Variants in STAT5A observed in about 807,000 individuals in gnomAD.
STAT5A encodes the protein signal transducer and activator of transcription 5A.
Under a neutral mutation model 100.2 loss-of-function variants are expected in STAT5A, and 26 were observed. The ratio of observed to expected loss-of-function variants is 0.26; its 90% confidence interval spans 0.19 to 0.36. STAT5A has a LOEUF of 0.36. STAT5A is among the 10% of genes least tolerant of loss of function. The pLI, the probability that STAT5A is intolerant of heterozygous loss-of-function variation, is 1.00. For missense variants in STAT5A, 634 were observed against 1,027.5 expected (o/e 0.62, Z 5.24); for synonymous variants, 330 against 424.3 (o/e 0.78, Z 2.73).
In STAT5A at chr17:42,306,223, C is replaced by T; in HGVS notation, c.1474-18C>T. ...ACTCCCTCAATCTACCTTTTCCCCT[C>T]TCTTGTCTCCCTCTCAGGGCAGGGT... On this transcript the variant is annotated intron_variant, in intron 12 of 18. Coordinates refer to ENST00000590949, the MANE Select transcript of STAT5A (RefSeq NM_001288718.2). 6.2e-7 allele frequency: 1 copy of T among 1,614,016 alleles called. No individual in the cohort carries two copies. The highest frequency in any genetic ancestry group is 8.5e-7 in the Non-Finnish European group (1 of 1,179,910).
chr17:42,305,570 G>A (rs140861160), intron 11 of STAT5A, 40 bp from the exon 12 acceptor site: 3 of 1,562,084 alleles, frequency 1.9e-6, no homozygotes, highest in Non-Finnish European at 2.6e-6. Context: ...GGCACGTGGT[G>A]GTCACGCCCC....
chr17:42,310,075 A>C (rs2081065815), intron 18 of STAT5A, among the ~76,000 whole-genome samples: 1 of 152,134 alleles, frequency 6.6e-6, no homozygotes, highest in Admixed American at 6.5e-5. Flanking sequence ...GTCAATACCC[A>C]CTCTCCAGTT....
At chr17:42,307,056 T>C (rs2081035979) in intron 13 of STAT5A, among the ~76,000 whole-genome samples, 1 of 152,124 alleles carries the variant, frequency 6.6e-6, no homozygotes, top group African/African-American at 2.4e-5. Context: ...TTGCTAATTT[T>C]TGAAGACCCA....
intron 5 of STAT5A, among the ~76,000 whole-genome samples, chr17:42,296,672 C>T (rs1406588118): frequency 1.3e-5 from 2 of 152,046 alleles, no homozygotes; most frequent in African/African-American, 2.4e-5. Context: ...CAATCTTGCT[C>T]TGTCGCCCAG....
rs2080853139 is a variant in STAT5A at position 42,289,872 on chromosome 17, C to T, written c.135C>T (p.Ala45=). 1 of 1,563,946 alleles carries T rather than the reference C, an allele frequency of 6.4e-7. No homozygotes were observed. Among genetic ancestry groups the T allele is most frequent in the African/African-American group, 1.4e-5 (1 of 73,654 alleles). The change falls in exon 3 of 19, where the codon GCC becomes GCT. Residue 45 remains alanine (A), a synonymous_variant. Coordinates refer to ENST00000590949, the MANE Select transcript of STAT5A (RefSeq NM_001288718.2). ...TCTTCTGCCCTGCCCCAAGGGATGCCATTGACTTGGACAATCCCCAGGACA... is the reference window on the plus strand; with the variant it reads ...TCTTCTGCCCTGCCCCAAGGGATGCTATTGACTTGGACAATCCCCAGGACA... ...AQWIESQPWD[A]IDLDNPQDRA...
chr17:42,292,543 T>C (rs2080879817), intron 4 of STAT5A, among the ~76,000 whole-genome samples: 2 of 151,568 alleles, frequency 1.3e-5, no homozygotes, highest in Admixed American at 1.3e-4. Flanking sequence ...TTAGCCAGGA[T>C]GGTCTCAACC....
chr17:42,298,797 T>C (rs963791629), intron 5 of STAT5A, among the ~76,000 whole-genome samples: 2 of 152,174 alleles, frequency 1.3e-5, no homozygotes, highest in African/African-American at 4.8e-5. Flanking sequence ...CCATGATGGA[T>C]ACTTTTTAAA....
At chr17:42,288,310 C>T (rs899193709), upstream of STAT5A, 1 of 152,174 alleles carries the variant, frequency 6.6e-6, no homozygotes, top group Non-Finnish European at 1.5e-5. The surrounding 1 kb of genome is among the most constrained non-coding windows in gnomAD (Gnocchi z 4.8). Flanking sequence ...AGCCCCCACG[C>T]CCGGCGCCGC....
At chr17:42,300,033 A>G in intron 6 of STAT5A, 97 bp from the exon 7 acceptor site, 1 of 1,160,054 alleles carries the variant, frequency 8.6e-7, no homozygotes, top group South Asian at 1.5e-5. Flanking sequence ...CAGCTTGGGG[A>G]GAGGGAACGG....
Position 42,289,312 on chromosome 17 carries a change from C to A in STAT5A, c.-10-90C>A, listed in dbSNP as rs112804486. On this transcript the variant is annotated intron_variant, in intron 1 of 18. Transcript: ENST00000590949. ...GGGAGGGGCCTGGCCTGGCCGCGGT[C>A]CAGGGATAGGTAGGCATGGCAAGGC... 1,394 of 1,413,644 alleles carry A rather than the reference C, an allele frequency of 9.9e-4. 18 individuals are homozygous for A. In the African/African-American group the frequency reaches 0.018, roughly 18 times the overall value. The allele number at this position is 1,413,644 out of a possible 1,614,324, so 87.6% of individuals were successfully genotyped here.
intron 18 of STAT5A, among the ~76,000 whole-genome samples, chr17:42,310,262 G>A (rs892531543): frequency 6.6e-6 from 1 of 152,278 alleles, no homozygotes; most frequent in Non-Finnish European, 1.5e-5. Flanking sequence ...ATGAGGACAC[G>A]GAGAGGGGAA....
At chr17:42,309,250 C>A in intron 17 of STAT5A, 127 bp from the exon 18 acceptor site, 1 of 1,540,336 alleles carries the variant, frequency 6.5e-7, no homozygotes, top group African/African-American at 1.4e-5. Flanking sequence ...AGCTGGAGCC[C>A]CAGGGCCGAG....
Position 42,308,107 on chromosome 17 carries a change from G to T in STAT5A, c.1907-71G>T. 1.1e-5 allele frequency: 18 copies of T among 1,580,936 alleles called. No homozygotes were observed. Among genetic ancestry groups the T allele is most frequent in the Non-Finnish European group, 1.5e-5 (17 of 1,160,186 alleles). On this transcript the variant is annotated intron_variant, in intron 15 of 18. Transcript: ENST00000590949. The surrounding 1 kb of genome is among the most constrained non-coding windows in gnomAD (Gnocchi z 4.6). ...AAGCCCAGATTTCTCTTGCAAGCCT[G>T]CCCTAAAGCCCCACAACCTTGGTCC...
chr17:42,305,518 TAA>T, intron 11 of STAT5A, 90 bp from the exon 12 acceptor site: 1 of 1,028,644 alleles, frequency 9.7e-7, no homozygotes. Context: ...AAAAAATACA[TAA>T]AAAAAAATAA....
At chr17:42,307,839 A>G (rs1221144392) in intron 15 of STAT5A, 116 bp downstream of exon 15, 6 of 1,416,492 alleles carry the variant, frequency 4.2e-6, no homozygotes, top group Non-Finnish European at 5.7e-6. Flanking sequence ...CGGGAAGCTT[A>G]GTATGAGAGG....
chr17:42,288,530 A>C lies in STAT5A; in HGVS notation c.-79A>C, dbSNP rs1037552468. 1.3e-5 allele frequency: 2 copies of C among 153,162 alleles called. No individual in the cohort carries two copies. The highest frequency in any genetic ancestry group is 6.6e-5 in the Admixed American group (1 of 15,254). The allele number at this position is 153,162 out of a possible 1,614,324, so 9.5% of individuals were successfully genotyped here. On this transcript the variant is annotated 5_prime_UTR_variant, in exon 1 of 19. Transcript: ENST00000590949. This position sits in a 1 kb window ranked among gnomAD's most constrained non-coding sequence, Gnocchi z 4.8. ...GCCGCCGCTGCCGCCGCCGCCAGGA[A>C]CCCCGGCCGGGAGCGAGAGCCGCGG...
Position 42,310,674 on chromosome 17 carries a change from T to G in STAT5A, c.*5T>G. On this transcript the variant is annotated 3_prime_UTR_variant, in exon 19 of 19. Transcript: ENST00000590949. ...GCCAGAGGCTCCCTCTCATGAATGT[T>G]TGAATCCCACGCTTCTCTTTGGAAA... 1 of 1,614,040 alleles carries G rather than the reference T, an allele frequency of 6.2e-7. No individual in the cohort carries two copies. Among genetic ancestry groups the G allele is most frequent in the South Asian group, 1.1e-5 (1 of 91,086 alleles).
rs546803485 is a variant in STAT5A, at chr17:42,301,138, C to T, written c.990-137C>T. The T allele has an allele frequency of 2.4e-4, 337 of 1,433,228 alleles. 6 individuals are homozygous for T. The East Asian group carries it at 7.3e-3, about 31-fold the overall frequency. The allele number at this position is 1,433,228 out of a possible 1,614,324, so 88.8% of individuals were successfully genotyped here. On this transcript the variant is annotated intron_variant, in intron 8 of 18. Coordinates refer to ENST00000590949, the MANE Select transcript of STAT5A (RefSeq NM_001288718.2). ...TCTCCCTGGACTCTCACAGCTTCCC[C>T]GGGAACAGAGGTTGTGCCCGAGCTC...
At position 42,309,499 on chromosome 17, in the gene STAT5A, C is replaced by T. The variant is rs1393718030; in HGVS notation, c.2222+15C>T. 6.2e-7 allele frequency: 1 copy of T among 1,612,362 alleles called. No homozygotes were observed. The highest frequency in any genetic ancestry group is 1.1e-5 in the South Asian group (1 of 90,970). ...TACCCACAGAAGTAGGTGGTGTTCT[C>T]ATGGGGTCCGCAGGGGAAGAACTGG... On this transcript the variant is annotated intron_variant, in intron 18 of 18. Coordinates refer to ENST00000590949, the MANE Select transcript of STAT5A (RefSeq NM_001288718.2).
Sources: gnomAD v4.1 joint callset for allele counts (sites outside exome capture counted in the v4.1 genomes callset) on GRCh38, gnomAD v4.1.1 for gene constraint, Gnocchi (gnomAD v3.1) non-coding constraint, MANE v1.5 for transcripts, NCBI Gene and HGNC (gene_info 2026-07-23, HGNC 2026-07-21) for gene names.